The following FOXK1 variants were observed in gnomAD, a reference collection of about 807,000 sequenced individuals.
The protein encoded by FOXK1 is forkhead box protein K1.
A neutral mutation model predicts 51.9 loss-of-function variants in FOXK1; 19 were observed. The observed-to-expected ratio is 0.37, with a 90% CI of 0.26 to 0.54. The LOEUF is 0.54. Among genes scored for constraint, FOXK1 ranks in the 20% least tolerant of loss-of-function variants. The pLI, the probability that FOXK1 is intolerant of heterozygous loss-of-function variation, is 0.87. For missense variants in FOXK1, 870 were observed against 1,032.7 expected (o/e 0.84, Z 2.16); for synonymous variants, 537 against 482.6 (o/e 1.11, Z -1.48).
chr7:4,689,491 G>T (rs766223451), intron 1 of FOXK1, among the ~76,000 whole-genome samples: 2 of 152,150 alleles, frequency 1.3e-5, no homozygotes, highest in Non-Finnish European at 2.9e-5. Flanking sequence ...TCCTTTTGTT[G>T]TTCATGAGCA....
In FOXK1 at chr7:4,753,396, CTTCTGGATGG is replaced by C. The variant is rs943245345; in HGVS notation, c.747-1046_747-1037del. 6.0e-4 allele frequency among the ~76,000 whole-genome samples: 91 copies of C among 152,014 alleles called. 1 individual carries two copies. Among genetic ancestry groups the C allele is most frequent in the African/African-American group, 2.0e-3 (81 of 41,480 alleles). ...GCAAGGCGGGAGGAGGAGAATGGAC[CTTCTGGATGG>C]TTCTGGATGGTTCTGGGTGGTTCTG... On this transcript the variant is annotated intron_variant, in intron 2 of 8. Coordinates refer to ENST00000328914, the MANE Select transcript of FOXK1 (RefSeq NM_001037165.2). This position sits in a 1 kb window ranked among gnomAD's most constrained non-coding sequence, Gnocchi z 4.9.
chr7:4,726,581 C>T (rs1308417147), intron 1 of FOXK1, among the ~76,000 whole-genome samples: 1 of 151,744 alleles, frequency 6.6e-6, no homozygotes, highest in Admixed American at 6.6e-5. Context: ...AAGATTGTGA[C>T]ATTGCACTCC....
rs978289013 is a variant in FOXK1 at position 4,755,196 on chromosome 7, A to T, written c.904-41A>T. The T allele has an allele frequency of 2.5e-6, 4 of 1,605,436 alleles. No individual in the cohort carries two copies. Among genetic ancestry groups the T allele is most frequent in the Non-Finnish European group, 3.4e-6 (4 of 1,174,370 alleles). ...ACGGGTGGGTGGGGTAGACTCAGGGACCTTGCTGGAGCTCATCCCGTGAGC... is the reference window on the plus strand; with the variant it reads ...ACGGGTGGGTGGGGTAGACTCAGGGTCCTTGCTGGAGCTCATCCCGTGAGC... On this transcript the variant is annotated intron_variant, in intron 3 of 8. Transcript: ENST00000328914. The surrounding 1 kb of genome is among the most constrained non-coding windows in gnomAD (Gnocchi z 6.6).
rs1314553141 is a variant in FOXK1 at position 4,765,083 on chromosome 7, G to C, written c.*2619G>C. ...TGCGGGGACTGCAAAGAGGGATGAA[G>C]GGACGTGGTCCTAGGGGTCGGCTCA... On this transcript the variant is annotated 3_prime_UTR_variant, in exon 9 of 9. Coordinates refer to ENST00000328914, the MANE Select transcript of FOXK1 (RefSeq NM_001037165.2). 2 of 153,286 alleles carry C rather than the reference G, an allele frequency of 1.3e-5. No homozygotes were observed. The highest frequency in any genetic ancestry group is 2.9e-5 in the Non-Finnish European group (2 of 68,848). 9.5% of individuals were successfully genotyped at this position (153,286 alleles called of 1,614,324 possible).
In FOXK1 at chr7:4,748,529, C is replaced by T. The variant is rs1391066309; in HGVS notation, c.747-5930C>T. Among the ~76,000 whole-genome samples the T allele has an allele frequency of 6.6e-6, 1 of 152,158 alleles. No individual in the cohort carries two copies. The highest frequency in any genetic ancestry group is 1.5e-5 in the Non-Finnish European group (1 of 68,046). On this transcript the variant is annotated intron_variant, in intron 2 of 8. Coordinates refer to ENST00000328914, the MANE Select transcript of FOXK1 (RefSeq NM_001037165.2). This position sits in a 1 kb window ranked among gnomAD's most constrained non-coding sequence, Gnocchi z 4.9. Reference sequence around the variant, plus strand: ...TTCTCCCTTTACTGTGAAGGCCTTCCTCTGGGGCCCCTCTGACCATGGGAT... The same window carrying T: ...TTCTCCCTTTACTGTGAAGGCCTTCTTCTGGGGCCCCTCTGACCATGGGAT...
At position 4,731,312 on chromosome 7, in the gene FOXK1, C is replaced by T. The variant is rs545012011; in HGVS notation, c.561-9526C>T. ...AGCCAAACCACTTAACAGAACCAGG[C>T]GAGCCAGGTTTAGTACTTTATCGGG... On this transcript the variant is annotated intron_variant, in intron 1 of 8. Transcript: ENST00000328914. The surrounding 1 kb of genome is among the most constrained non-coding windows in gnomAD (Gnocchi z 5.3). 5.3e-5 allele frequency among the ~76,000 whole-genome samples: 8 copies of T among 152,320 alleles called. No individual in the cohort carries two copies. Among genetic ancestry groups the T allele is most frequent in the African/African-American group, 1.9e-4 (8 of 41,572 alleles).
rs541141618 is a variant in FOXK1, at chr7:4,769,612, G to T, written c.*7148G>T. Reference sequence around the variant, plus strand: ...CTGCCACCACACCCGGCTAATTTTTGTATTTCTAATAGAGATGAGAGTGTT... The same window carrying T: ...CTGCCACCACACCCGGCTAATTTTTTTATTTCTAATAGAGATGAGAGTGTT... On this transcript the variant is annotated 3_prime_UTR_variant, in exon 9 of 9. Coordinates refer to ENST00000328914, the MANE Select transcript of FOXK1 (RefSeq NM_001037165.2). The surrounding 1 kb of genome is among the most constrained non-coding windows in gnomAD (Gnocchi z 4.1). The T allele has an allele frequency of 3.3e-5, 5 of 152,242 alleles. No homozygotes were observed. In the East Asian group the frequency reaches 9.7e-4, roughly 29 times the overall value. The allele number at this position is 152,242 out of a possible 1,614,324, so 9.4% of individuals were successfully genotyped here.
intron 2 of FOXK1, 26 bp downstream of exon 2, chr7:4,741,049 G>A: frequency 6.8e-7 from 1 of 1,465,194 alleles, no homozygotes. Context: ...GCCTGCCCTT[G>A]GGCCCCCAGG....
chr7:4,740,660 A>G (rs1479027640), intron 1 of FOXK1, among the ~76,000 whole-genome samples, 178 bp from the exon 2 acceptor site: 1 of 152,118 alleles, frequency 6.6e-6, no homozygotes, highest in Non-Finnish European at 1.5e-5. Context: ...TGACTTCCAA[A>G]TAAGCCAAAG....
intron 2 of FOXK1, among the ~76,000 whole-genome samples, chr7:4,742,987 G>A (rs1035821028): frequency 2.0e-5 from 3 of 152,194 alleles, no homozygotes; most frequent in Admixed American, 2.0e-4. Context: ...CTCAGGCCGG[G>A]CATGGTCACC....
intron 1 of FOXK1, among the ~76,000 whole-genome samples, chr7:4,736,976 C>T (rs1185804160): frequency 6.6e-6 from 1 of 152,170 alleles, no homozygotes; most frequent in Non-Finnish European, 1.5e-5. Context: ...GTGATTTAGC[C>T]CAAGGTCAGA....
Position 4,751,108 on chromosome 7 carries a change from A to G in FOXK1, c.747-3351A>G, listed in dbSNP as rs1447189650. 1.4e-4 allele frequency among the ~76,000 whole-genome samples: 20 copies of G among 139,678 alleles called. No homozygotes were observed. The Admixed American group carries it at 1.5e-3, about 11-fold the overall frequency. 91.6% of individuals were successfully genotyped at this position (139,678 alleles called of 152,430 possible). A position where few individuals can be genotyped will look rare whatever the true frequency, so the allele number is the denominator to read the frequency against. On this transcript the variant is annotated intron_variant, in intron 2 of 8. Transcript: ENST00000328914. Reference sequence around the variant, plus strand: ...CGACTCACTGCAAACTCCACCTCCCAGGTTCATGCCATTCTCCTGCCTCAG... The same window carrying G: ...CGACTCACTGCAAACTCCACCTCCCGGGTTCATGCCATTCTCCTGCCTCAG...
intron 1 of FOXK1, among the ~76,000 whole-genome samples, chr7:4,687,442 G>A (rs935845291): frequency 3.7e-4 from 56 of 151,810 alleles, no homozygotes; most frequent in African/African-American, 1.3e-3. Context: ...ACAGGCGCAC[G>A]TCACCACGCC....
intron 1 of FOXK1, among the ~76,000 whole-genome samples, chr7:4,713,438 AAGCCCTGCGAGGTCAGCTCCCTAAACAAG>A (rs1780198768): frequency 6.6e-6 from 1 of 152,056 alleles, no homozygotes; most frequent in Non-Finnish European, 1.5e-5. Flanking sequence ...TGGGCCGGGA[AAGCCCTGCGAGGTCAGCTCCCTAAACAAG>A]AGAATTTGCA....
At chr7:4,692,016 G>T (rs1286149697) in intron 1 of FOXK1, among the ~76,000 whole-genome samples, 3 of 151,862 alleles carry the variant, frequency 2.0e-5, no homozygotes, top group Non-Finnish European at 2.9e-5. Flanking sequence ...AAAGAGCTTT[G>T]GTTTATATGA....
chr7:4,745,512 C>G lies in FOXK1; in HGVS notation c.746+4489C>G, dbSNP rs1211221081. On this transcript the variant is annotated intron_variant, in intron 2 of 8. Coordinates refer to ENST00000328914, the MANE Select transcript of FOXK1 (RefSeq NM_001037165.2). The surrounding 1 kb of genome is among the most constrained non-coding windows in gnomAD (Gnocchi z 4.3). ...TGTTTCTGATTTATTTTTTTCTGCCCTGAAGTACTCCACCCAGAAAATGAA... is the reference window on the plus strand; with the variant it reads ...TGTTTCTGATTTATTTTTTTCTGCCGTGAAGTACTCCACCCAGAAAATGAA... 1.3e-5 allele frequency among the ~76,000 whole-genome samples: 2 copies of G among 152,034 alleles called. No individual in the cohort carries two copies. The highest frequency in any genetic ancestry group is 2.9e-5 in the Non-Finnish European group (2 of 67,998).
At chr7:4,688,910 C>T (rs1346690931) in intron 1 of FOXK1, among the ~76,000 whole-genome samples, 1 of 152,002 alleles carries the variant, frequency 6.6e-6, no homozygotes, top group Non-Finnish European at 1.5e-5. Flanking sequence ...TGGGTGTCCC[C>T]CACAATTTGT....
chr7:4,685,023 C>T (rs778965494), intron 1 of FOXK1, among the ~76,000 whole-genome samples: 9 of 151,816 alleles, frequency 5.9e-5, no homozygotes, highest in Non-Finnish European at 1.0e-4. Context: ...CACAGATGCC[C>T]GCCCGCTGAC....
At chr7:4,701,954 A>G (rs1157625987) in intron 1 of FOXK1, among the ~76,000 whole-genome samples, 1 of 152,112 alleles carries the variant, frequency 6.6e-6, no homozygotes, top group African/African-American at 2.4e-5. Context: ...GCTTGCCTGT[A>G]CTCGCAGCTA....
Sources: allele counts gnomAD v4.1 joint callset (sites outside exome capture counted in the v4.1 genomes callset), GRCh38; gene constraint gnomAD v4.1.1; non-coding constraint Gnocchi (gnomAD v3.1); transcripts MANE v1.5; gene names NCBI Gene and HGNC (gene_info 2026-07-23, HGNC 2026-07-21).